Variants in UGP2 observed in about 807,000 individuals in gnomAD.
UGP2 encodes the protein UTP--glucose-1-phosphate uridylyltransferase.
Under a neutral mutation model 49.0 loss-of-function variants are expected in UGP2, and 40 were observed. That is an observed-to-expected ratio of 0.82 (90% CI 0.63 to 1.06). The LOEUF (loss-of-function observed/expected upper bound fraction) is 1.06, where lower values mean the gene tolerates loss of function less well. Among genes scored for constraint, UGP2 ranks in the 50% least tolerant of loss-of-function variants. The pLI is 0.00. For missense variants in UGP2, 460 were observed against 603.5 expected, an observed-to-expected ratio of 0.76 and a Z score of 2.49; for synonymous variants, 225 against 213.0, an observed-to-expected ratio of 1.06 and a Z score of -0.49.
At chr2:63,852,522 A>G (rs941160881) in intron 1 of UGP2, among the ~76,000 whole-genome samples, 1 of 152,238 alleles carries the variant, frequency 6.6e-6, no homozygotes, top group Admixed American at 6.5e-5. Flanking sequence ...ACATGCCTGG[A>G]TAAGGAATTT....
intron 3 of UGP2, among the ~76,000 whole-genome samples, chr2:63,882,084 T>C (rs1374296685): frequency 6.6e-6 from 1 of 152,252 alleles, no homozygotes; most frequent in East Asian, 1.9e-4. Context: ...ACAACAGAAA[T>C]ATTTAGACTT....
rs2287362 is a variant in UGP2 at position 63,890,527 on chromosome 2, G to C, written c.1419+342G>C. On this transcript the variant is annotated intron_variant, in intron 9 of 9. Coordinates refer to ENST00000337130, the MANE Select transcript of UGP2 (RefSeq NM_006759.4). ...CTCACGTAAGAAATAGGAGGGAAAC[G>C]GGGGTATAAAAGTATTAAAGCTCAC... Among the ~76,000 whole-genome samples the C allele has an allele frequency of 1.1e-3, 169 of 152,178 alleles. 3 individuals carry two copies. The East Asian group carries it at 0.028, about 25-fold the overall frequency.
Position 63,890,105 on chromosome 2 carries a change from G to C in UGP2, c.1339G>C (p.Glu447Gln). 6.2e-7 allele frequency: 1 copy of C among 1,610,008 alleles called. No homozygotes were observed. Among genetic ancestry groups the C allele is most frequent in the East Asian group, 2.2e-5 (1 of 44,718 alleles). The part of the protein sequence containing the change: ...TKVQDYLRRF[E>Q]SIPDMLELDH... The stretch of plus-strand genomic sequence containing the variant: ...GGTTCAAGATTATCTAAGAAGATTT[G>C]AAAGTATACCAGATATGCTTGAATT... Residue 447 changes from glutamate (E) to glutamine (Q), a missense_variant, in exon 9 of 10, where the codon GAA (glutamate) becomes CAA (glutamine). Around this residue, in one of 2 missense-constraint regions of UGP2, gnomAD observed 317 missense variants for 473.0 expected, o/e 0.67. Transcript: ENST00000337130.
intron 8 of UGP2, chr2:63,888,790 T>C (rs192311976): frequency 7.2e-5 from 11 of 152,312 alleles, no homozygotes; most frequent in Admixed American, 5.9e-4. Context: ...ATCCTTTTTT[T>C]CCCCTCATCA....
At chr2:63,862,955 T>C in intron 3 of UGP2, 1 of 432,752 alleles carries the variant, frequency 2.3e-6, no homozygotes, top group Non-Finnish European at 4.6e-6. Context: ...CCATTTCTGT[T>C]AGCATACCTT....
chr2:63,869,028 A>G (rs1403168789), intron 3 of UGP2, among the ~76,000 whole-genome samples: 1 of 152,200 alleles, frequency 6.6e-6, no homozygotes, highest in African/African-American at 2.4e-5. Context: ...TTGGTCCAAC[A>G]GCTGTTTTTT....
At chr2:63,863,829 A>G (rs1410881626) in intron 3 of UGP2, among the ~76,000 whole-genome samples, 1 of 152,160 alleles carries the variant, frequency 6.6e-6, no homozygotes, top group Non-Finnish European at 1.5e-5. Context: ...CTGAGAAGAA[A>G]CTTGGATGTG....
chr2:63,872,622 T>G (rs1273406689), intron 3 of UGP2, among the ~76,000 whole-genome samples: 1 of 152,176 alleles, frequency 6.6e-6, no homozygotes, highest in Non-Finnish European at 1.5e-5. Flanking sequence ...TACTGTCTCA[T>G]TTGATTTAAA....
chr2:63,844,701 A>G (rs1190530508), intron 1 of UGP2, among the ~76,000 whole-genome samples: 5 of 152,178 alleles, frequency 3.3e-5, no homozygotes, highest in Non-Finnish European at 7.3e-5. Context: ...AGCTGGGACT[A>G]CAGGTGCACA....
At chr2:63,886,285 CA>C in intron 6 of UGP2, 55 bp from the exon 7 acceptor site, 2 of 1,535,806 alleles carry the variant, frequency 1.3e-6, no homozygotes, top group South Asian at 1.1e-5. Flanking sequence ...TTTGTATTTA[CA>C]AAAAAATGCA....
At chr2:63,842,806 TC>T (rs1411997439) in intron 1 of UGP2, among the ~76,000 whole-genome samples, 1 of 152,198 alleles carries the variant, frequency 6.6e-6, no homozygotes, top group Non-Finnish European at 1.5e-5. Context: ...TGATTAAGGT[TC>T]CTTTGAAGTT....
chr2:63,848,636 A>G (rs1668830334), intron 1 of UGP2, among the ~76,000 whole-genome samples: 1 of 152,240 alleles, frequency 6.6e-6, no homozygotes, highest in South Asian at 2.1e-4. Flanking sequence ...TGCTGGGATT[A>G]CAGGTGTGAG....
At position 63,856,381 on chromosome 2, in the gene UGP2, T is replaced by C; in HGVS notation, c.95T>C (p.Val32Ala). The part of the protein sequence containing the change: ...EVIRQELELS[V>A]KKELEKILTT... ...ATTCGGCAAGAGCTAGAATTATCTG[T>C]GAAGAAGGAACTAGAAAAAATACTC... The change falls in exon 2 of 10, where the codon GTG (valine) becomes GCG (alanine). Residue 32 changes from valine (V) to alanine (A), a missense_variant. By Grantham distance (64) the Val-to-Ala change is moderately conservative. This residue lies in a region of UGP2 where 143 missense variants were observed against 130.4 expected (regional missense o/e 1.10). Transcript: ENST00000337130. 1 of 1,613,760 alleles carries C rather than the reference T, an allele frequency of 6.2e-7. No homozygotes were observed. Among genetic ancestry groups the C allele is most frequent in the African/African-American group, 1.3e-5 (1 of 75,016 alleles).
chr2:63,866,997 A>G (rs1362009885), intron 3 of UGP2, among the ~76,000 whole-genome samples: 1 of 152,122 alleles, frequency 6.6e-6, no homozygotes, highest in African/African-American at 2.4e-5. Context: ...TAAATTTTTT[A>G]TTTTTAACAC....
chr2:63,841,000 A>T (rs898265826), upstream of UGP2: 1 of 150,818 alleles, frequency 6.6e-6, no homozygotes, highest in African/African-American at 2.4e-5. Context: ...ATGGAGGGGG[A>T]GGGGAGGTGT....
chr2:63,886,356 C>G lies in UGP2; in HGVS notation c.889C>G (p.Gln297Glu). Residue 297 changes from glutamine to glutamate, a missense_variant, in exon 7 of 10, where the codon CAA (glutamine) becomes GAA (glutamate). By Grantham distance (29) the Gln-to-Glu change is conservative. Transcript: ENST00000337130. ...RADVKGGTLTQYEGKLRLVEI... is the reference protein window; with the variant it reads ...RADVKGGTLTEYEGKLRLVEI... ...GCCTTTCTAGGGCGGGACACTCACT[C>G]AATATGAAGGCAAACTGAGACTGGT... The G allele has an allele frequency of 1.9e-6, 3 of 1,614,122 alleles. No individual in the cohort carries two copies. Among genetic ancestry groups the G allele is most frequent in the Non-Finnish European group, 2.5e-6 (3 of 1,180,004 alleles).
chr2:63,856,953 T>G (rs1669482937), intron 2 of UGP2: 1 of 392,160 alleles, frequency 2.5e-6, no homozygotes, highest in Admixed American at 3.3e-5. Flanking sequence ...TATTTCTTTT[T>G]GTTCTTTTAG....
rs148792615 is a variant in UGP2, at chr2:63,887,157, G to A, written c.1072-245G>A. ...CACATGCCTATAATTCCAGCTACTC[G>A]GGAAGCTGAGGCATAAGAATTGCTT... On this transcript the variant is annotated intron_variant, in intron 7 of 9. Transcript: ENST00000337130. Among the ~76,000 whole-genome samples the A allele has an allele frequency of 8.8e-3, 1,336 of 151,936 alleles. 29 individuals are homozygous for A. Among genetic ancestry groups the A allele is most frequent in the African/African-American group, 0.031 (1,288 of 41,406 alleles).
intron 2 of UGP2, 80 bp downstream of exon 2, chr2:63,856,513 G>T: frequency 1.1e-5 from 15 of 1,423,402 alleles, no homozygotes; most frequent in Non-Finnish European, 1.3e-5. Flanking sequence ...CGGTGATGAT[G>T]ATAATCATCA....
Sources: gnomAD v4.1 joint callset for allele counts (sites outside exome capture counted in the v4.1 genomes callset) on GRCh38, gnomAD v4.1.1 for gene constraint, gnomAD v4.1.1 regional missense constraint, MANE v1.5 for transcripts, NCBI Gene and HGNC (gene_info 2026-07-23, HGNC 2026-07-21) for gene names.